CNTNAP2: variants seen among roughly 807,000 people sequenced by gnomAD.
CNTNAP2 encodes contactin-associated protein-like 2.
CNTNAP2 carries 98 observed loss-of-function variants against 155.2 expected under a neutral mutation model. The ratio of observed to expected loss-of-function variants is 0.63; its 90% CI spans 0.54 to 0.75. CNTNAP2 has a LOEUF of 0.75. CNTNAP2 is among the 30% of genes least tolerant of loss of function. The pLI is 0.00. For synonymous variants in CNTNAP2, 651 were observed against 631.2 expected (o/e 1.03, Z -0.47); for missense variants, 1,727 against 1,688.1 (o/e 1.02, Z -0.40).
intron 13 of CNTNAP2, among the ~76,000 whole-genome samples, chr7:147,762,960 A>G (rs1460514049): frequency 6.6e-6 from 1 of 152,180 alleles, no homozygotes; most frequent in East Asian, 1.9e-4. Flanking sequence ...TGTATGTGCA[A>G]TCAAGAGTAA....
chr7:147,277,121 C>T (rs1437351319), intron 8 of CNTNAP2, among the ~76,000 whole-genome samples: 6 of 151,920 alleles, frequency 3.9e-5, no homozygotes, highest in African/African-American at 1.4e-4. Flanking sequence ...GCTAGTATTC[C>T]GTTGTTCCTG....
At chr7:146,163,013 TGG>T (rs1414503974) in intron 1 of CNTNAP2, among the ~76,000 whole-genome samples, 1 of 151,874 alleles carries the variant, frequency 6.6e-6, no homozygotes, top group African/African-American at 2.4e-5. Context: ...GTTGGGGGTT[TGG>T]GGGAGAGAGG....
intron 8 of CNTNAP2, among the ~76,000 whole-genome samples, chr7:147,276,191 T>C (rs1804891603): frequency 6.6e-6 from 1 of 150,830 alleles, no homozygotes; most frequent in Non-Finnish European, 1.5e-5. Context: ...ACTAGTTTCA[T>C]AGAATTAGTT....
chr7:146,845,656 C>T (rs1037238683), intron 3 of CNTNAP2, among the ~76,000 whole-genome samples: 2 of 152,076 alleles, frequency 1.3e-5, no homozygotes, highest in African/African-American at 4.8e-5. Context: ...TACTCTTATT[C>T]ATGATTGAAA....
At chr7:146,134,826 A>G (rs1797773125) in intron 1 of CNTNAP2, among the ~76,000 whole-genome samples, 1 of 151,744 alleles carries the variant, frequency 6.6e-6, no homozygotes, top group Non-Finnish European at 1.5e-5. Context: ...TATTTTATTG[A>G]GGATTTTTGC....
chr7:148,025,098 A>G (rs1802352457), intron 15 of CNTNAP2, among the ~76,000 whole-genome samples: 1 of 152,242 alleles, frequency 6.6e-6, no homozygotes, highest in Admixed American at 6.5e-5. Flanking sequence ...GATTAGGATT[A>G]TGGGAGGGGC....
At chr7:147,645,273 C>A (rs1028863669) in intron 13 of CNTNAP2, among the ~76,000 whole-genome samples, 1 of 152,014 alleles carries the variant, frequency 6.6e-6, no homozygotes, top group African/African-American at 2.4e-5. Flanking sequence ...AACTTTGGTG[C>A]GGCTATCAAG....
intron 13 of CNTNAP2, among the ~76,000 whole-genome samples, chr7:147,659,896 A>T: frequency 6.6e-6 from 1 of 152,224 alleles, no homozygotes. Flanking sequence ...GGAAAACAAA[A>T]TAACAAAGCA....
intron 21 of CNTNAP2, among the ~76,000 whole-genome samples, chr7:148,379,792 G>A (rs1023422357): frequency 1.8e-4 from 28 of 152,148 alleles, no homozygotes; most frequent in Non-Finnish European, 1.5e-4. Context: ...GCATGTACAC[G>A]AGGCCCCAAG....
chr7:147,688,156 A>G (rs1459754634), intron 13 of CNTNAP2, among the ~76,000 whole-genome samples: 6 of 152,114 alleles, frequency 3.9e-5, no homozygotes, highest in African/African-American at 1.4e-4. Flanking sequence ...CCTTTAAAAA[A>G]TATATCTTCT....
chr7:147,637,880 A>G (rs1429921957), intron 12 of CNTNAP2, among the ~76,000 whole-genome samples: 3 of 152,184 alleles, frequency 2.0e-5, no homozygotes, highest in South Asian at 4.1e-4. Flanking sequence ...AAGTTAGGAA[A>G]TCATGATACT....
intron 7 of CNTNAP2, among the ~76,000 whole-genome samples, chr7:147,131,109 T>C (rs1801346187): frequency 6.7e-6 from 1 of 148,876 alleles, no homozygotes; most frequent in Non-Finnish European, 1.5e-5. Flanking sequence ...CACACACATA[T>C]ATATACCATA....
chr7:146,978,155 T>C (rs1235991898), intron 3 of CNTNAP2, among the ~76,000 whole-genome samples: 1 of 152,214 alleles, frequency 6.6e-6, no homozygotes, highest in African/African-American at 2.4e-5. Flanking sequence ...AGCTAAGACA[T>C]TGAAGCTATT....
intron 13 of CNTNAP2, among the ~76,000 whole-genome samples, chr7:147,728,350 A>G (rs1796680229): frequency 6.6e-6 from 1 of 152,124 alleles, no homozygotes; most frequent in South Asian, 2.1e-4. Context: ...CTCTGATGGA[A>G]CTAGCAAGGA....
intron 9 of CNTNAP2, among the ~76,000 whole-genome samples, chr7:147,358,976 A>C (rs1009828604): frequency 1.3e-5 from 2 of 152,150 alleles, no homozygotes; most frequent in Non-Finnish European, 1.5e-5. Context: ...AAGGGATTTT[A>C]AGACCATTAG....
chr7:146,754,550 C>T (rs935602812), intron 1 of CNTNAP2, among the ~76,000 whole-genome samples: 43 of 122,214 alleles, frequency 3.5e-4, no homozygotes, highest in Admixed American at 8.4e-4. Context: ...CTCTCTCTCT[C>T]TCTGTCTCTC....
intron 21 of CNTNAP2, among the ~76,000 whole-genome samples, chr7:148,367,473 T>C (rs2116633574): frequency 6.6e-6 from 1 of 151,096 alleles, no homozygotes; most frequent in East Asian, 1.9e-4. Flanking sequence ...TTACTTTTGA[T>C]TTTTTTTTAA....
chr7:147,682,856 A>T (rs1180784960), intron 13 of CNTNAP2, among the ~76,000 whole-genome samples: 1 of 151,948 alleles, frequency 6.6e-6, no homozygotes, highest in Admixed American at 6.6e-5. Flanking sequence ...GTGCCCAGTT[A>T]AGGTTTTTTG....
At chr7:146,622,122 T>C (rs1280293210) in intron 1 of CNTNAP2, among the ~76,000 whole-genome samples, 1 of 97,206 alleles carries the variant, frequency 1.0e-5, no homozygotes, top group East Asian at 2.0e-4. Flanking sequence ...ATCACTGTTA[T>C]GTATGTGTAT....
Sources: gnomAD v4.1 joint callset for allele counts (sites outside exome capture counted in the v4.1 genomes callset) on GRCh38, gnomAD v4.1.1 for gene constraint, MANE v1.5 for transcripts, NCBI Gene and HGNC (gene_info 2026-07-23, HGNC 2026-07-21) for gene names.